Variants in MYRIP observed in about 807,000 individuals in gnomAD.
MYRIP encodes myosin VIIA and Rab interacting protein, also known as rab effector MyRIP.
In MYRIP, 49 loss-of-function variants were observed where a neutral mutation model predicts 98.0. The observed-to-expected ratio is 0.50, with a 90% CI of 0.40 to 0.63. The LOEUF (loss-of-function observed/expected upper bound fraction) is 0.63, where lower values mean the gene tolerates loss of function less well. MYRIP is among the 30% of genes least tolerant of loss of function. MYRIP has a pLI of 0.00. For synonymous variants in MYRIP, 404 were observed against 409.5 expected (o/e 0.99, Z 0.16); for missense variants, 1,004 against 1,058.2 (o/e 0.95, Z 0.71).
intron 3 of MYRIP, among the ~76,000 whole-genome samples, chr3:40,129,311 G>A (rs1949586619): frequency 6.6e-6 from 1 of 150,814 alleles, no homozygotes; most frequent in African/African-American, 2.4e-5. Flanking sequence ...CATAGTGGGG[G>A]GCGCCTGTAA....
intron 2 of MYRIP, among the ~76,000 whole-genome samples, chr3:40,030,025 A>G (rs375403386): frequency 2.0e-5 from 3 of 152,110 alleles, no homozygotes; most frequent in African/African-American, 7.2e-5. Context: ...CCACCACTGC[A>G]TTCCAGCATG....
At chr3:40,138,764 A>C (rs1256510253) in intron 3 of MYRIP, among the ~76,000 whole-genome samples, 1 of 152,224 alleles carries the variant, frequency 6.6e-6, no homozygotes, top group Non-Finnish European at 1.5e-5. Flanking sequence ...GGTAATTAGC[A>C]TAGCTACCAT....
intron 4 of MYRIP, among the ~76,000 whole-genome samples, chr3:40,159,439 A>AT (rs1950326264): frequency 6.6e-6 from 1 of 151,622 alleles, no homozygotes; most frequent in Non-Finnish European, 1.5e-5. Context: ...TTTTTCCTTC[A>AT]TTTCAAGTTT....
chr3:39,880,346 T>A (rs1237181114), intron 1 of MYRIP, among the ~76,000 whole-genome samples: 1 of 152,256 alleles, frequency 6.6e-6, no homozygotes, highest in Non-Finnish European at 1.5e-5. Context: ...AGTTTTCCAT[T>A]GCTGGAAATC....
chr3:40,065,913 A>G (rs9816042), intron 3 of MYRIP, among the ~76,000 whole-genome samples: 43,975 of 151,946 alleles, frequency 0.29, 6,442 homozygotes, highest in East Asian at 0.36. Context: ...AGCCTGGACT[A>G]TGTTTCTCAG....
At chr3:40,189,754 C>T (rs1294931078) in intron 9 of MYRIP, 72 bp from the exon 10 acceptor site, 1 of 1,468,544 alleles carries the variant, frequency 6.8e-7, no homozygotes, top group Non-Finnish European at 9.1e-7. Context: ...GGGGAGGTAA[C>T]AAGTGGCAAC....
intron 3 of MYRIP, among the ~76,000 whole-genome samples, chr3:40,097,502 C>T (rs1356314506): frequency 6.6e-6 from 1 of 152,028 alleles, no homozygotes; most frequent in Non-Finnish European, 1.5e-5. Flanking sequence ...GCAATTTATT[C>T]AAGGCTTCTC....
chr3:39,825,544 A>G (rs59874958), intron 1 of MYRIP, among the ~76,000 whole-genome samples: 2,024 of 152,058 alleles, frequency 0.013, 62 homozygotes, highest in African/African-American at 0.045. Flanking sequence ...GATAAATCCC[A>G]CTTCATCATG....
At chr3:39,854,678 GGGA>G (rs1250500045) in intron 1 of MYRIP, among the ~76,000 whole-genome samples, 1 of 152,086 alleles carries the variant, frequency 6.6e-6, no homozygotes, top group Non-Finnish European at 1.5e-5. Context: ...TCCATTGCTT[GGGA>G]GCTGGTGTGA....
chr3:40,254,792 G>A (rs76044837), intron 16 of MYRIP, among the ~76,000 whole-genome samples: 4,941 of 152,184 alleles, frequency 0.032, 261 homozygotes, highest in African/African-American at 0.11. Flanking sequence ...TTTGGCAAAT[G>A]CTTGATGCTG....
intron 2 of MYRIP, among the ~76,000 whole-genome samples, chr3:40,019,724 G>A (rs764957431): frequency 2.8e-4 from 41 of 147,668 alleles, no homozygotes; most frequent in African/African-American, 9.0e-4. Context: ...TCCCCCCCCC[G>A]CTTTTTTTTG....
intron 2 of MYRIP, among the ~76,000 whole-genome samples, chr3:39,968,050 C>A (rs1945483707): frequency 6.6e-6 from 1 of 152,068 alleles, no homozygotes; most frequent in South Asian, 2.1e-4. Flanking sequence ...CTGATAGTTG[C>A]TTTTGCTGTG....
intron 1 of MYRIP, among the ~76,000 whole-genome samples, chr3:39,844,956 G>A (rs964993581): frequency 1.2e-4 from 18 of 152,096 alleles, no homozygotes; most frequent in African/African-American, 4.3e-4. Context: ...CTTGCTTCAG[G>A]CCCCACTCAA....
chr3:40,065,026 A>T (rs139662441), intron 3 of MYRIP, among the ~76,000 whole-genome samples: 1 of 152,258 alleles, frequency 6.6e-6, no homozygotes. Context: ...AGTACCACAA[A>T]CTGGGTGGGT....
chr3:40,002,061 A>G (rs1027771730), intron 2 of MYRIP, among the ~76,000 whole-genome samples: 12 of 152,110 alleles, frequency 7.9e-5, no homozygotes, highest in Admixed American at 6.5e-4. Context: ...CTGGCATGTC[A>G]GTTCCTCCTC....
intron 1 of MYRIP, among the ~76,000 whole-genome samples, chr3:39,875,804 A>C (rs528329930): frequency 0.034 from 5,155 of 150,272 alleles, 112 homozygotes; most frequent in African/African-American, 0.039. Context: ...GTGCTGAAAA[A>C]AATGTATATT....
intron 11 of MYRIP, among the ~76,000 whole-genome samples, chr3:40,212,446 T>G (rs1951990441): frequency 6.6e-6 from 1 of 151,886 alleles, no homozygotes; most frequent in African/African-American, 2.4e-5. Flanking sequence ...AGAAAAGTTT[T>G]GAGATATATT....
At chr3:40,065,024 A>G (rs1182529371) in intron 3 of MYRIP, among the ~76,000 whole-genome samples, 1 of 152,186 alleles carries the variant, frequency 6.6e-6, no homozygotes, top group Non-Finnish European at 1.5e-5. Context: ...AAAGTACCAC[A>G]AACTGGGTGG....
At chr3:39,885,852 T>A (rs1943285015) in intron 1 of MYRIP, among the ~76,000 whole-genome samples, 1 of 152,096 alleles carries the variant, frequency 6.6e-6, no homozygotes, top group African/African-American at 2.4e-5. Flanking sequence ...CTCCATCAGC[T>A]CCTTTAAGCA....
Sources: allele counts gnomAD v4.1 joint callset (sites outside exome capture counted in the v4.1 genomes callset), GRCh38; gene constraint gnomAD v4.1.1; transcripts MANE v1.5; gene names NCBI Gene and HGNC (gene_info 2026-07-23, HGNC 2026-07-21).